The following MACROD2 variants were observed in gnomAD, a reference collection of about 807,000 sequenced individuals.
MACROD2 encodes mono-ADP ribosylhydrolase 2.
A neutral mutation model predicts 70.4 loss-of-function variants in MACROD2; 36 were observed. That is an observed-to-expected ratio of 0.51 (90% CI 0.39 to 0.68). The LOEUF is 0.68. Among genes scored for constraint, MACROD2 ranks in the 30% least tolerant of loss-of-function variants. MACROD2 has a pLI of 0.00. For synonymous variants in MACROD2, 172 were observed against 178.8 expected, an observed-to-expected ratio of 0.96 and a Z score of 0.30; for missense variants, 496 against 538.4, an observed-to-expected ratio of 0.92 and a Z score of 0.78.
At chr20:14,665,316 T>A (rs2070725382) in intron 4 of MACROD2, among the ~76,000 whole-genome samples, 1 of 151,864 alleles carries the variant, frequency 6.6e-6, no homozygotes, top group South Asian at 2.1e-4. Context: ...TATTGCCAGT[T>A]AAGATTTCAA....
chr20:15,213,443 G>C (rs1019043127), intron 5 of MACROD2, among the ~76,000 whole-genome samples: 1 of 151,564 alleles, frequency 6.6e-6, no homozygotes, highest in Non-Finnish European at 1.5e-5. Flanking sequence ...TTCCTATGTT[G>C]GTTAAGGAGG....
At chr20:15,886,161 A>G (rs1048702709) in intron 10 of MACROD2, among the ~76,000 whole-genome samples, 3 of 152,126 alleles carry the variant, frequency 2.0e-5, no homozygotes, top group African/African-American at 7.2e-5. Flanking sequence ...TCCTGTTCAC[A>G]AGGTTTGGAG....
At chr20:15,966,379 T>C (rs926679864) in intron 12 of MACROD2, among the ~76,000 whole-genome samples, 1 of 152,138 alleles carries the variant, frequency 6.6e-6, no homozygotes, top group Non-Finnish European at 1.5e-5. Flanking sequence ...ATGAAAAATA[T>C]CTACTAGACT....
At chr20:15,754,259 T>A (rs948556028) in intron 8 of MACROD2, among the ~76,000 whole-genome samples, 1 of 152,226 alleles carries the variant, frequency 6.6e-6, no homozygotes, top group Non-Finnish European at 1.5e-5. Flanking sequence ...TCCTTTTACA[T>A]GTAGCCAAAA....
intron 3 of MACROD2, among the ~76,000 whole-genome samples, chr20:14,423,848 C>T (rs1192732534): frequency 1.4e-5 from 2 of 142,072 alleles, no homozygotes; most frequent in African/African-American, 5.3e-5. Flanking sequence ...CCGCAACCTT[C>T]GCCTCCTGGG....
At chr20:14,026,260 G>C (rs539882191) in intron 2 of MACROD2, among the ~76,000 whole-genome samples, 1 of 152,294 alleles carries the variant, frequency 6.6e-6, no homozygotes, top group South Asian at 2.1e-4. Flanking sequence ...TGGGTCTCCT[G>C]AATACAGCAC....
At chr20:15,582,569 G>A (rs577858260) in intron 8 of MACROD2, among the ~76,000 whole-genome samples, 4 of 152,212 alleles carry the variant, frequency 2.6e-5, no homozygotes, top group African/African-American at 9.6e-5. Context: ...AATTAGTCAC[G>A]TGGTGGAAAG....
intron 5 of MACROD2, among the ~76,000 whole-genome samples, chr20:15,106,036 T>C (rs1204762641): frequency 6.6e-6 from 1 of 152,188 alleles, no homozygotes; most frequent in Admixed American, 6.5e-5. Context: ...AATTTAATCT[T>C]TTCATATTGC....
chr20:15,129,108 A>T (rs527490486), intron 5 of MACROD2, among the ~76,000 whole-genome samples: 1 of 152,198 alleles, frequency 6.6e-6, no homozygotes, highest in South Asian at 2.1e-4. Flanking sequence ...TTATGTATTT[A>T]CATTTTTATT....
chr20:14,789,649 T>C (rs1239655649), intron 5 of MACROD2, among the ~76,000 whole-genome samples: 3 of 151,544 alleles, frequency 2.0e-5, no homozygotes, highest in Non-Finnish European at 2.9e-5. Flanking sequence ...CTAATTTTTG[T>C]ATTTTTAGTA....
intron 2 of MACROD2, among the ~76,000 whole-genome samples, chr20:14,054,872 G>C (rs996410875): frequency 1.3e-5 from 2 of 152,116 alleles, no homozygotes; most frequent in African/African-American, 4.8e-5. Flanking sequence ...TTATTTATCT[G>C]TCTTTGCCTT....
At chr20:14,083,902 A>G (rs1163443291) in intron 2 of MACROD2, among the ~76,000 whole-genome samples, 1 of 151,748 alleles carries the variant, frequency 6.6e-6, no homozygotes, top group Non-Finnish European at 1.5e-5. Flanking sequence ...TCTACTAAAA[A>G]TACAAAAAAC....
chr20:15,701,283 G>T (rs544735973), intron 8 of MACROD2, among the ~76,000 whole-genome samples: 2 of 152,302 alleles, frequency 1.3e-5, no homozygotes, highest in Admixed American at 6.5e-5. Flanking sequence ...TGCATTCTGG[G>T]TTTTGTATGC....
intron 4 of MACROD2, among the ~76,000 whole-genome samples, chr20:14,658,543 A>G (rs758637850): frequency 2.6e-5 from 4 of 152,168 alleles, no homozygotes; most frequent in Non-Finnish European, 2.9e-5. Context: ...ACCCAGTACT[A>G]TTTATTTCTC....
rs527721726 is a variant in MACROD2 at position 14,559,340 on chromosome 20, A to G, written c.301+65832A>G. On this transcript the variant is annotated intron_variant, in intron 4 of 17. Coordinates refer to ENST00000684519, the MANE Select transcript of MACROD2 (RefSeq NM_001351661.2). ...TGAATTTAATTTACACAAATAATTT[A>G]TTTTACATAAAAACATTCTAGCTAG... Among the ~76,000 whole-genome samples, 11 of 151,780 alleles carry G rather than the reference A, an allele frequency of 7.2e-5. No individual in the cohort carries two copies. In the East Asian group the frequency reaches 2.1e-3, roughly 29 times the overall value.
At chr20:15,059,152 C>G (rs2075511603) in intron 5 of MACROD2, among the ~76,000 whole-genome samples, 1 of 152,152 alleles carries the variant, frequency 6.6e-6, no homozygotes, top group Non-Finnish European at 1.5e-5. Context: ...GATCCCAGCA[C>G]TTTGGGAGGC....
At chr20:14,160,987 C>T (rs1001090178) in intron 3 of MACROD2, among the ~76,000 whole-genome samples, 19 of 152,062 alleles carry the variant, frequency 1.2e-4, no homozygotes, top group African/African-American at 4.6e-4. Context: ...CCTTCACCCC[C>T]TTACACCCTC....
chr20:15,631,294 A>G (rs887135747), intron 8 of MACROD2, among the ~76,000 whole-genome samples: 5 of 152,196 alleles, frequency 3.3e-5, no homozygotes, highest in Non-Finnish European at 7.3e-5. Flanking sequence ...CACTGGACTA[A>G]TGAATATGAA....
intron 5 of MACROD2, among the ~76,000 whole-genome samples, chr20:14,756,937 C>T (rs151024870): frequency 7.7e-4 from 117 of 152,172 alleles, no homozygotes; most frequent in African/African-American, 2.7e-3. Flanking sequence ...CTTCTCTCTC[C>T]TGCCACCATG....
Sources: allele counts gnomAD v4.1 joint callset (sites outside exome capture counted in the v4.1 genomes callset), GRCh38; gene constraint gnomAD v4.1.1; transcripts MANE v1.5; gene names NCBI Gene and HGNC (gene_info 2026-07-23, HGNC 2026-07-21).